The following RSU1 variants were observed in gnomAD, a reference collection of about 807,000 sequenced individuals.
The protein encoded by RSU1 is Ras suppressor protein 1.
Under a neutral mutation model 31.1 loss-of-function variants are expected in RSU1, and 26 were observed. That is an observed-to-expected ratio of 0.84 (90% CI 0.61 to 1.16). The LOEUF (loss-of-function observed/expected upper bound fraction) is 1.16. RSU1 is among the 50% of genes most tolerant of loss of function. The pLI is 0.00. For synonymous variants in RSU1, 164 were observed against 136.3 expected, an observed-to-expected ratio of 1.20 and a Z score of -1.41; for missense variants, 320 against 339.1, an observed-to-expected ratio of 0.94 and a Z score of 0.44.
At chr10:16,677,395 A>G (rs1321085448) in intron 8 of RSU1, among the ~76,000 whole-genome samples, 2 of 152,140 alleles carry the variant, frequency 1.3e-5, no homozygotes, top group Non-Finnish European at 2.9e-5. Flanking sequence ...CCTTAGTGTA[A>G]TTGAGGCAAA....
At chr10:16,639,552 A>G (rs938487901) in intron 8 of RSU1, among the ~76,000 whole-genome samples, 1 of 152,242 alleles carries the variant, frequency 6.6e-6, no homozygotes. Context: ...GAGGGGAATA[A>G]CAATGTTTCA....
intron 8 of RSU1, among the ~76,000 whole-genome samples, chr10:16,655,070 A>AG (rs1424351456): frequency 7.7e-6 from 1 of 129,510 alleles, no homozygotes; most frequent in East Asian, 2.2e-4. Context: ...AAAAAAAAAA[A>AG]AAAAAGAGAG....
intron 8 of RSU1, among the ~76,000 whole-genome samples, chr10:16,665,634 T>A (rs6602144): frequency 0.65 from 98,862 of 152,100 alleles, 33,171 homozygotes; most frequent in African/African-American, 0.82. Flanking sequence ...AACTTTTCGT[T>A]TTGAACAAAG....
intron 8 of RSU1, among the ~76,000 whole-genome samples, chr10:16,693,790 C>A (rs945588597): frequency 1.3e-5 from 2 of 152,026 alleles, no homozygotes; most frequent in East Asian, 1.9e-4. Flanking sequence ...TCAGCCCAGG[C>A]GCTTGAGGCT....
chr10:16,694,977 C>T, intron 8 of RSU1, 46 bp downstream of exon 8: 3 of 1,525,630 alleles, frequency 2.0e-6, no homozygotes, highest in African/African-American at 1.4e-5. Flanking sequence ...ATTATAAATA[C>T]TATAAAATCA....
intron 8 of RSU1, among the ~76,000 whole-genome samples, chr10:16,688,372 C>T (rs1013569115): frequency 2.0e-5 from 3 of 152,004 alleles, no homozygotes; most frequent in East Asian, 1.9e-4. Context: ...TTTGGGAGGC[C>T]GAGGCGGACG....
At chr10:16,772,383 C>T (rs1362476135) in intron 3 of RSU1, among the ~76,000 whole-genome samples, 2 of 152,034 alleles carry the variant, frequency 1.3e-5, no homozygotes, top group African/African-American at 2.4e-5. Flanking sequence ...TTCAGGAGGA[C>T]GTATGAACTC....
intron 8 of RSU1, among the ~76,000 whole-genome samples, chr10:16,614,300 C>G (rs1410784921): frequency 6.6e-6 from 1 of 151,500 alleles, no homozygotes; most frequent in Non-Finnish European, 1.5e-5. Flanking sequence ...CTTGTGGGAT[C>G]TAAAAATCAA....
chr10:16,725,048 G>GA (rs1487772721), intron 7 of RSU1, among the ~76,000 whole-genome samples: 1 of 152,174 alleles, frequency 6.6e-6, no homozygotes, highest in Admixed American at 6.5e-5. Context: ...GAGATCAGAG[G>GA]AAACTCTGAA....
chr10:16,779,157 C>T (rs1266987141), intron 3 of RSU1, among the ~76,000 whole-genome samples: 2 of 152,188 alleles, frequency 1.3e-5, no homozygotes, highest in Non-Finnish European at 2.9e-5. Context: ...CCCCCGCTGA[C>T]TTCAAAAACC....
chr10:16,633,827 G>C (rs537854953), intron 8 of RSU1, among the ~76,000 whole-genome samples: 2 of 152,120 alleles, frequency 1.3e-5, no homozygotes, highest in Non-Finnish European at 2.9e-5. Context: ...CATTTGTCCT[G>C]CCCTGGGTGG....
intron 8 of RSU1, among the ~76,000 whole-genome samples, chr10:16,619,715 G>A (rs1834037015): frequency 6.6e-6 from 1 of 152,152 alleles, no homozygotes; most frequent in Non-Finnish European, 1.5e-5. Context: ...TAGAGTTACA[G>A]AGAAAAAGCA....
chr10:16,763,260 T>G (rs554879302), intron 4 of RSU1, among the ~76,000 whole-genome samples: 1 of 152,252 alleles, frequency 6.6e-6, no homozygotes, highest in South Asian at 2.1e-4. Context: ...TGCCTGAGGC[T>G]GGGTAACTTA....
intron 8 of RSU1, among the ~76,000 whole-genome samples, chr10:16,652,002 T>C (rs1013384705): frequency 3.3e-5 from 5 of 152,166 alleles, no homozygotes; most frequent in African/African-American, 1.2e-4. Context: ...CTTTTACATT[T>C]TACTAAATTT....
At chr10:16,800,199 C>T (rs1045918589) in intron 2 of RSU1, among the ~76,000 whole-genome samples, 1 of 152,094 alleles carries the variant, frequency 6.6e-6, no homozygotes, top group Non-Finnish European at 1.5e-5. Context: ...AACAAAATTA[C>T]AAGGTACTCT....
intron 7 of RSU1, among the ~76,000 whole-genome samples, chr10:16,727,360 C>A (rs912044576): frequency 2.6e-5 from 4 of 152,070 alleles, no homozygotes; most frequent in Admixed American, 2.0e-4. Flanking sequence ...GAGATAAATA[C>A]GTGTTTCTGG....
intron 7 of RSU1, among the ~76,000 whole-genome samples, chr10:16,715,646 T>G (rs1203464031): frequency 6.6e-6 from 1 of 152,240 alleles, no homozygotes; most frequent in Non-Finnish European, 1.5e-5. Context: ...GGGGTCTCTA[T>G]TCTATTCCAT....
chr10:16,626,614 A>C (rs1197625745), intron 8 of RSU1, among the ~76,000 whole-genome samples: 1 of 152,210 alleles, frequency 6.6e-6, no homozygotes. Context: ...GACAGATCAG[A>C]GTCTGAATCC....
chr10:16,754,917 G>T lies in RSU1; in HGVS notation c.354C>A (p.Tyr118Ter). 6.2e-7 allele frequency: 1 copy of T among 1,613,318 alleles called. No individual in the cohort carries two copies. The highest frequency in any genetic ancestry group is 1.7e-4 in the Middle Eastern group (1 of 6,056). Residue 118 changes from tyrosine to a stop codon, truncating the protein, a stop_gained, in exon 5 of 9, where the codon TAC (tyrosine) becomes TAA (stop). Coordinates refer to ENST00000345264, the MANE Select transcript of RSU1 (RefSeq NM_012425.4). LOFTEE classifies it high-confidence loss of function. ...LPALEVLDLT[Y>*]NNLSENSLPG... is the part of the protein sequence containing the mutation. Reference sequence around the variant, plus strand: ...GAAGAGAATTTTCGCTCAAGTTGTTGTACGTCAAGTCCAGAACCTCAAGAG... The same window carrying T: ...GAAGAGAATTTTCGCTCAAGTTGTTTTACGTCAAGTCCAGAACCTCAAGAG...
Sources: allele counts gnomAD v4.1 joint callset (sites outside exome capture counted in the v4.1 genomes callset), GRCh38; gene constraint gnomAD v4.1.1; transcripts MANE v1.5; gene names NCBI Gene and HGNC (gene_info 2026-07-23, HGNC 2026-07-21).